ENDOV: variants seen among roughly 807,000 people sequenced by gnomAD.
ENDOV encodes the protein endonuclease V.
ENDOV carries 37 observed loss-of-function variants against 39.4 expected under a neutral mutation model. The ratio of observed to expected loss-of-function variants is 0.94; its 90% CI spans 0.72 to 1.23. The LOEUF is 1.23. Among genes scored for constraint, ENDOV ranks in the 50% most tolerant of loss-of-function variants. The pLI is 0.00. For synonymous variants in ENDOV, 186 were observed against 163.4 expected (o/e 1.14, Z -1.05); for missense variants, 441 against 375.7 (o/e 1.17, Z -1.44).
chr17:80,415,396 G>T, intron 1 of ENDOV, 146 bp downstream of exon 1: 1 of 1,113,662 alleles, frequency 9.0e-7, no homozygotes, highest in Non-Finnish European at 1.3e-6. Flanking sequence ...CGGCGCGGAA[G>T]CGGAGGGATC....
At chr17:80,421,454 G>A (rs1005783958) in intron 2 of ENDOV, among the ~76,000 whole-genome samples, 2 of 149,836 alleles carry the variant, frequency 1.3e-5, no homozygotes, top group South Asian at 2.1e-4. Context: ...CCAGTGGACC[G>A]GGTCCGGGGT....
At chr17:80,421,548 A>G (rs1163279723) in intron 2 of ENDOV, among the ~76,000 whole-genome samples, 1 of 135,354 alleles carries the variant, frequency 7.4e-6, no homozygotes, top group Non-Finnish European at 1.6e-5. Flanking sequence ...TGCTGTTGCT[A>G]CAGACCAGGT....
rs1249365923 is a variant in ENDOV at position 80,423,638 on chromosome 17, G to A, written c.516+6G>A. 5 of 1,549,402 alleles carry A rather than the reference G, an allele frequency of 3.2e-6. No individual in the cohort carries two copies. The highest frequency in any genetic ancestry group is 1.4e-5 in the African/African-American group (1 of 73,022). On this transcript the variant is annotated splice_donor_region_variant and intron_variant, in intron 5 of 9. Coordinates refer to ENST00000518137, the MANE Select transcript of ENDOV (RefSeq NM_173627.5). Reference sequence around the variant, plus strand: ...ACGCCCTGCACAAGGAGAAGGTGAGGAGGGGCCTGCTGCAGGCCATGCCCG... The same window carrying A: ...ACGCCCTGCACAAGGAGAAGGTGAGAAGGGGCCTGCTGCAGGCCATGCCCG...
intron 6 of ENDOV, 114 bp downstream of exon 6, chr17:80,425,214 C>T (rs1210915802): frequency 3.0e-5 from 28 of 943,446 alleles, no homozygotes; most frequent in Non-Finnish European, 3.8e-5. Flanking sequence ...ATCAACCCCC[C>T]GCCTGCCCGT....
intron 9 of ENDOV, chr17:80,430,138 C>T: frequency 1.3e-6 from 2 of 1,522,522 alleles, no homozygotes; most frequent in East Asian, 4.9e-5. Context: ...GACCACGGCC[C>T]CTCTTTGCTC....
chr17:80,427,843 A>T (rs1044986215), intron 7 of ENDOV: 11 of 1,280,812 alleles, frequency 8.6e-6, no homozygotes, highest in Middle Eastern at 4.6e-4. Context: ...GGGCCGCTCC[A>T]GGGGAAGGTG....
chr17:80,425,370 C>T, intron 6 of ENDOV, 122 bp from the exon 7 acceptor site: 1 of 1,403,570 alleles, frequency 7.1e-7, no homozygotes, highest in Non-Finnish European at 9.5e-7. Flanking sequence ...CCTGAGAGCA[C>T]TGCCCCTTCA....
intron 3 of ENDOV, 22 bp from the exon 4 acceptor site, chr17:80,422,184 G>A: frequency 6.2e-7 from 1 of 1,613,540 alleles, no homozygotes; most frequent in Non-Finnish European, 8.5e-7. Context: ...AGCTGACTGT[G>A]ACTCTCCCTG....
chr17:80,415,650 G>A lies in ENDOV; in HGVS notation c.57G>A (p.Arg19=). 1 of 1,612,088 alleles carries A rather than the reference G, an allele frequency of 6.2e-7. No individual in the cohort carries two copies. Among genetic ancestry groups the A allele is most frequent in the Non-Finnish European group, 8.5e-7 (1 of 1,179,168 alleles). Reference sequence around the variant, plus strand: ...AAGTTTGACGCTTCTGTCCTCCTAGGGAGCAAGCTCGGCTGAAGGCCCACG... The same window carrying A: ...AAGTTTGACGCTTCTGTCCTCCTAGAGAGCAAGCTCGGCTGAAGGCCCACG... ...PPEETLSLWK[R]EQARLKAHVV... The change falls in exon 2 of 10, where the codon CGG becomes CGA. Residue 19 remains arginine, a splice_region_variant and synonymous_variant. Transcript: ENST00000518137.
intron 9 of ENDOV, chr17:80,430,509 C>A: frequency 1.6e-6 from 1 of 625,894 alleles, no homozygotes; most frequent in Non-Finnish European, 2.4e-6. Flanking sequence ...GGGAGGGGTC[C>A]TAGCTGGGGT....
At position 80,425,243 on chromosome 17, in the gene ENDOV, C is replaced by T. The variant is rs1394316044; in HGVS notation, c.585+143C>T. ...TGCCCGTCCATCCATCCTCCTGCCTCTGACTGAGTCCAGGGTGTGATGTTT... is the reference window on the plus strand; with the variant it reads ...TGCCCGTCCATCCATCCTCCTGCCTTTGACTGAGTCCAGGGTGTGATGTTT... On this transcript the variant is annotated intron_variant, in intron 6 of 9. Coordinates refer to ENST00000518137, the MANE Select transcript of ENDOV (RefSeq NM_173627.5). The T allele has an allele frequency of 1.1e-5, 10 of 872,656 alleles. No individual in the cohort carries two copies. In the South Asian group the frequency reaches 1.5e-4, roughly 13 times the overall value. 54.1% of individuals were successfully genotyped at this position (872,656 alleles called of 1,614,324 possible).
intron 2 of ENDOV, chr17:80,420,625 C>A (rs937114410): frequency 6.6e-6 from 1 of 152,222 alleles, no homozygotes; most frequent in Non-Finnish European, 1.5e-5. Flanking sequence ...GATTCAGTAA[C>A]AAAACTGCAG....
rs566306971 is a variant in ENDOV, at chr17:80,419,704, G to A, written c.229-2124G>A. 80 of 701,596 alleles carry A rather than the reference G, an allele frequency of 1.1e-4. 2 individuals carry two copies. The highest frequency in any genetic ancestry group is 1.1e-3 in the South Asian group (73 of 67,586). The allele number at this position is 701,596 out of a possible 1,614,324, so 43.5% of individuals were successfully genotyped here. A position where few individuals can be genotyped will look rare whatever the true frequency, so the allele number is the denominator to read the frequency against. Reference sequence around the variant, plus strand: ...CACTGTCCCAAGAGGCTGCGATGACGTCCAGCTTCTTCACTGGTCAGTGGC... The same window carrying A: ...CACTGTCCCAAGAGGCTGCGATGACATCCAGCTTCTTCACTGGTCAGTGGC... On this transcript the variant is annotated intron_variant, in intron 2 of 9. Transcript: ENST00000518137.
intron 4 of ENDOV, 28 bp downstream of exon 4, chr17:80,422,273 G>A (rs1290944967): frequency 6.2e-7 from 1 of 1,612,874 alleles, no homozygotes; most frequent in Non-Finnish European, 8.5e-7. Flanking sequence ...GGTCCAGGGA[G>A]GGCACTGTGG....
At chr17:80,421,049 G>A (rs1639047846) in intron 2 of ENDOV, among the ~76,000 whole-genome samples, 1 of 152,140 alleles carries the variant, frequency 6.6e-6, no homozygotes, top group Non-Finnish European at 1.5e-5. Flanking sequence ...ATACACAAAG[G>A]AGGAGACACC....
At position 80,423,614 on chromosome 17, in the gene ENDOV, C is replaced by T. The variant is rs756577179; in HGVS notation, c.498C>T (p.Asn166=). The stretch of plus-strand genomic sequence containing the variant: ...TGCAGGTGGATGGGCTGGAGAACAA[C>T]GCCCTGCACAAGGAGAAGGTGAGGA... ...KLLQVDGLEN[N]ALHKEKIRLL... Residue 166 remains asparagine, a synonymous_variant, in exon 5 of 10, where the codon AAC becomes AAT. Coordinates refer to ENST00000518137, the MANE Select transcript of ENDOV (RefSeq NM_173627.5). 2.2e-5 allele frequency: 34 copies of T among 1,552,774 alleles called. No individual in the cohort carries two copies. Among genetic ancestry groups the T allele is most frequent in the African/African-American group, 1.2e-4 (9 of 73,252 alleles).
rs573851518 is a variant in ENDOV at position 80,421,865 on chromosome 17, C to T, written c.266C>T (p.Ala89Val). ...YEESRMVSLT[A>V]PYVSGFLAFR... is the part of the protein sequence containing the mutation. ...GAGAGCCGCATGGTCAGCCTCACAG[C>T]CCCCTACGTGTCGGGCTTCCTGGCC... Residue 89 changes from alanine to valine, a missense_variant, in exon 3 of 10, where the codon GCC becomes GTC. Transcript: ENST00000518137. 9 of 1,604,554 alleles carry T rather than the reference C, an allele frequency of 5.6e-6. No homozygotes were observed. In the East Asian group the frequency reaches 1.8e-4, roughly 32 times the overall value.
Position 80,427,749 on chromosome 17 carries a change from G to A in ENDOV, c.715-847G>A, listed in dbSNP as rs192930741. ...TGGTCTGCTCTCTCCCTGGCTCCGCGCCGGGCCGTCTTGGTGGCCCCATGG... is the reference window on the plus strand; with the variant it reads ...TGGTCTGCTCTCTCCCTGGCTCCGCACCGGGCCGTCTTGGTGGCCCCATGG... On this transcript the variant is annotated intron_variant, in intron 7 of 9. Coordinates refer to ENST00000518137, the MANE Select transcript of ENDOV (RefSeq NM_173627.5). 2.8e-3 allele frequency: 3,667 copies of A among 1,289,328 alleles called. 36 individuals carry two copies. The highest frequency in any genetic ancestry group is 0.017 in the South Asian group (1,396 of 81,022). The allele number at this position is 1,289,328 out of a possible 1,614,324, so 79.9% of individuals were successfully genotyped here. A position where few individuals can be genotyped will look rare whatever the true frequency, so the allele number is the denominator to read the frequency against.
chr17:80,424,474 C>T (rs1005676665), intron 5 of ENDOV: 6 of 396,500 alleles, frequency 1.5e-5, no homozygotes, highest in Middle Eastern at 6.3e-4. Context: ...AGATTGTTGC[C>T]CTTGTTCTAA....
Sources: gnomAD v4.1 joint callset for allele counts (sites outside exome capture counted in the v4.1 genomes callset) on GRCh38, gnomAD v4.1.1 for gene constraint, MANE v1.5 for transcripts, NCBI Gene and HGNC (gene_info 2026-07-23, HGNC 2026-07-21) for gene names.